Variants in GUCY2C observed in about 807,000 individuals in gnomAD.
The protein encoded by GUCY2C is guanylyl cyclase C.
Under a neutral mutation model 131.1 loss-of-function variants are expected in GUCY2C, and 118 were observed. The observed-to-expected ratio is 0.90, with a 90% confidence interval of 0.78 to 1.05. GUCY2C has a LOEUF of 1.05. Ranked by LOEUF, GUCY2C falls within the 50% of genes least tolerant of loss-of-function variation. The pLI, the probability that GUCY2C is intolerant of heterozygous loss-of-function variation, is 0.00. For missense variants in GUCY2C, 1,161 were observed against 1,304.4 expected (o/e 0.89, Z 1.69); for synonymous variants, 452 against 457.8 (o/e 0.99, Z 0.16).
In GUCY2C at chr12:14,685,326, G is replaced by A. The variant is rs116421574; in HGVS notation, c.395+835C>T. On this transcript the variant is annotated intron_variant, in intron 3 of 26. Coordinates refer to ENST00000261170, the MANE Select transcript of GUCY2C (RefSeq NM_004963.4). ...AAGTGCTCAGTGAACCTGAGCATCT[G>A]AGGCTGTTTGTAATGGTGGGTGTGA... is the stretch of plus-strand genomic sequence containing the variant. 3.3e-3 allele frequency among the ~76,000 whole-genome samples: 505 copies of A among 152,322 alleles called. 2 individuals carry two copies. The highest frequency in any genetic ancestry group is 0.012 in the African/African-American group (495 of 41,568).
chr12:14,672,948 A>C lies in GUCY2C; in HGVS notation c.1095T>G (p.Gly365=). The change falls in exon 9 of 27, where the codon GGT becomes GGG. Residue 365 remains glycine (G), a synonymous_variant. Transcript: ENST00000261170. ...CCCCCCAGTCATCCAAGGTCACTGG[A>C]CCGTCATACCCTAGGGCAAGATCAG... ...FRNLTFEGYD[G]PVTLDDWGDV... is the part of the protein sequence containing the mutation. 6.3e-7 allele frequency: 1 copy of C among 1,595,772 alleles called. No individual in the cohort carries two copies. The highest frequency in any genetic ancestry group is 8.6e-7 in the Non-Finnish European group (1 of 1,163,352).
chr12:14,671,252 C>T (rs1179640061), intron 9 of GUCY2C, among the ~76,000 whole-genome samples: 1 of 152,158 alleles, frequency 6.6e-6, no homozygotes, highest in Non-Finnish European at 1.5e-5. Context: ...ACTCTCCTGT[C>T]TCAGCCTCCC....
intron 20 of GUCY2C, 95 bp downstream of exon 20, chr12:14,628,551 A>T: frequency 1.3e-6 from 1 of 750,682 alleles, no homozygotes; most frequent in South Asian, 1.5e-5. Flanking sequence ...TTTTCACTGG[A>T]ATAGACATTC....
At chr12:14,645,870 C>T (rs567708134) in intron 15 of GUCY2C, among the ~76,000 whole-genome samples, 1 of 146,904 alleles carries the variant, frequency 6.8e-6, no homozygotes, top group African/African-American at 2.5e-5. Flanking sequence ...GAATCTTGCT[C>T]TGTTGCCCAG....
intron 22 of GUCY2C, among the ~76,000 whole-genome samples, chr12:14,621,512 A>G (rs1946896596): frequency 6.6e-6 from 1 of 152,200 alleles, no homozygotes; most frequent in Non-Finnish European, 1.5e-5. Context: ...TCAAATAAAT[A>G]ATCTGAATGG....
chr12:14,677,528 G>A (rs1303661463), intron 6 of GUCY2C, among the ~76,000 whole-genome samples: 1 of 152,048 alleles, frequency 6.6e-6, no homozygotes, highest in East Asian at 1.9e-4. Flanking sequence ...AGATTGCTCT[G>A]CAAATGCTAT....
At chr12:14,663,273 T>G (rs1592125426) in intron 10 of GUCY2C, among the ~76,000 whole-genome samples, 1 of 152,294 alleles carries the variant, frequency 6.6e-6, no homozygotes, top group African/African-American at 2.4e-5. Context: ...TAAAATCATG[T>G]GTGTGAATTT....
intron 10 of GUCY2C, among the ~76,000 whole-genome samples, chr12:14,668,359 C>T (rs375376282): frequency 5.9e-5 from 9 of 152,214 alleles, no homozygotes; most frequent in South Asian, 4.1e-4. Flanking sequence ...TTAGTAGAAA[C>T]GGAGTTTCAC....
At chr12:14,637,084 C>T (rs1947285687) in intron 19 of GUCY2C, among the ~76,000 whole-genome samples, 1 of 151,016 alleles carries the variant, frequency 6.6e-6, no homozygotes, top group Non-Finnish European at 1.5e-5. Flanking sequence ...CACAGTGAGA[C>T]TCTGTCTCAA....
intron 1 of GUCY2C, among the ~76,000 whole-genome samples, chr12:14,693,259 C>A (rs1948605113): frequency 6.6e-6 from 1 of 152,040 alleles, no homozygotes. Flanking sequence ...CCAACGTGGA[C>A]CAACATGAAG....
rs1280477696 is a variant in GUCY2C, at chr12:14,661,451, C to A, written c.1283-389G>T. Among the ~76,000 whole-genome samples, 3 of 150,856 alleles carry A rather than the reference C, an allele frequency of 2.0e-5. No individual in the cohort carries two copies. In the South Asian group the frequency reaches 6.3e-4, roughly 32 times the overall value. ...GAGGATGAGACATGTATTTTTTTTTCTTTTTGAGACAGAGTTTCACTCTGT... is the reference window on the plus strand; with the variant it reads ...GAGGATGAGACATGTATTTTTTTTTATTTTTGAGACAGAGTTTCACTCTGT... On this transcript the variant is annotated intron_variant, in intron 10 of 26. Coordinates refer to ENST00000261170, the MANE Select transcript of GUCY2C (RefSeq NM_004963.4).
chr12:14,638,715 G>A (rs568999696), intron 19 of GUCY2C, among the ~76,000 whole-genome samples: 7 of 152,250 alleles, frequency 4.6e-5, no homozygotes, highest in African/African-American at 1.7e-4. Flanking sequence ...GTGTAGGTAG[G>A]GCAGGGGATG....
intron 3 of GUCY2C, among the ~76,000 whole-genome samples, chr12:14,684,563 C>T (rs968533487): frequency 2.5e-4 from 30 of 121,258 alleles, no homozygotes; most frequent in South Asian, 2.2e-3. Context: ...TTCTTTCTTT[C>T]CCTTCCTTCC....
intron 17 of GUCY2C, among the ~76,000 whole-genome samples, chr12:14,642,080 C>T (rs1213226870): frequency 6.6e-6 from 1 of 151,972 alleles, no homozygotes; most frequent in Non-Finnish European, 1.5e-5. Flanking sequence ...GAGACTATGG[C>T]TGATATTTTC....
At chr12:14,650,200 A>C (rs1258843102) in intron 15 of GUCY2C, among the ~76,000 whole-genome samples, 1 of 152,174 alleles carries the variant, frequency 6.6e-6, no homozygotes, top group Non-Finnish European at 1.5e-5. Flanking sequence ...TGTTATAGTT[A>C]TTCTTCTAAA....
At chr12:14,660,027 C>G (rs1244427847) in intron 11 of GUCY2C, among the ~76,000 whole-genome samples, 3 of 152,202 alleles carry the variant, frequency 2.0e-5, no homozygotes, top group African/African-American at 7.2e-5. Flanking sequence ...AGACCATCAC[C>G]TGTATTTCTG....
chr12:14,674,530 ATC>A, intron 8 of GUCY2C, 93 bp downstream of exon 8: 2 of 40,402 alleles, frequency 5.0e-5, no homozygotes, highest in Non-Finnish European at 1.4e-4. Flanking sequence ...TAGCTGTGGA[ATC>A]ATCTATTGCT....
At chr12:14,624,456 T>A (rs754278265) in intron 21 of GUCY2C, among the ~76,000 whole-genome samples, 40 of 151,658 alleles carry the variant, frequency 2.6e-4, no homozygotes, top group South Asian at 1.2e-3. Context: ...ATAAATAAAT[T>A]AATTAATTAA....
intron 11 of GUCY2C, among the ~76,000 whole-genome samples, chr12:14,659,551 T>C (rs1298564202): frequency 6.6e-6 from 1 of 152,214 alleles, no homozygotes; most frequent in Non-Finnish European, 1.5e-5. Context: ...TTATTCTCTT[T>C]GTATGCTTCC....
Sources: gnomAD v4.1 joint callset for allele counts (sites outside exome capture counted in the v4.1 genomes callset) on GRCh38, gnomAD v4.1.1 for gene constraint, MANE v1.5 for transcripts, NCBI Gene and HGNC (gene_info 2026-07-23, HGNC 2026-07-21) for gene names.